The following LIPT1 variants were observed in gnomAD, a reference collection of about 807,000 sequenced individuals.
LIPT1 encodes the protein lipoyltransferase 1.
LIPT1 carries 22 observed loss-of-function variants against 25.1 expected under a neutral mutation model. The ratio of observed to expected loss-of-function variants is 0.88; its 90% confidence interval spans 0.63 to 1.25. LIPT1 has a LOEUF of 1.25. Among genes scored for constraint, LIPT1 ranks in the 50% most tolerant of loss-of-function variants. The pLI, the probability that LIPT1 is intolerant of heterozygous loss-of-function variation, is 0.00. For missense variants in LIPT1, 399 were observed against 432.8 expected (o/e 0.92, Z 0.69); for synonymous variants, 131 against 150.8 (o/e 0.87, Z 0.96).
Position 99,163,013 on chromosome 2 carries a change from T to A in LIPT1, c.1056T>A (p.Cys352Ter), listed in dbSNP as rs1256798779. ...TMLTNILLRT[C>*]PQDHKLNSKW... is the part of the protein sequence containing the mutation. ...TAACAAATATATTACTTAGAACATG[T>A]CCACAAGACCACAAACTAAACAGTA... The change falls in exon 2 of 2, where the codon TGT (cysteine) becomes TGA (stop). Residue 352 changes from cysteine (C) to a stop codon, truncating the protein, a stop_gained. Coordinates refer to ENST00000651691, the MANE Select transcript of LIPT1 (RefSeq NM_145199.3). LOFTEE classifies it high-confidence loss of function. The A allele has an allele frequency of 2.5e-6, 4 of 1,605,054 alleles. No individual in the cohort carries two copies. The highest frequency in any genetic ancestry group is 2.5e-6 in the Non-Finnish European group (3 of 1,176,574).
chr2:99,161,336 A>G (rs1187498160), intron 1 of LIPT1: 2 of 115,988 alleles, frequency 1.7e-5, no homozygotes, highest in African/African-American at 6.9e-5. Flanking sequence ...ATATATATAT[A>G]TAGATTGAAT....
At chr2:99,159,454 C>T (rs1181426601) in intron 1 of LIPT1, among the ~76,000 whole-genome samples, 1 of 152,192 alleles carries the variant, frequency 6.6e-6, no homozygotes, top group Non-Finnish European at 1.5e-5. Flanking sequence ...CTAGCATGGA[C>T]AACTGCCTTA....
At position 99,162,189 on chromosome 2, in the gene LIPT1, C is replaced by T; in HGVS notation, c.232C>T (p.Gln78Ter). 6.2e-7 allele frequency: 1 copy of T among 1,613,968 alleles called. No homozygotes were observed. Among genetic ancestry groups the T allele is most frequent in the Non-Finnish European group, 8.5e-7 (1 of 1,180,002 alleles). Residue 78 changes from glutamine to a stop codon, truncating the protein, a stop_gained, in exon 2 of 2, where the codon CAA (glutamine) becomes TAA (stop). Coordinates refer to ENST00000651691, the MANE Select transcript of LIPT1 (RefSeq NM_145199.3). LOFTEE classifies it high-confidence loss of function. The stretch of plus-strand genomic sequence containing the variant: ...TCCCTCTGTTGTAATTGGTAGGCAT[C>T]AAAATCCTTGGCAGGAATGTAACCT... ...NSPSVVIGRH[Q>*]NPWQECNLNL...
At chr2:99,155,424 A>G in intron 1 of LIPT1, 1 of 453,224 alleles carries the variant, frequency 2.2e-6, no homozygotes, top group South Asian at 1.6e-5. Flanking sequence ...GCGAGGTCTT[A>G]TGAAGAAGCT....
intron 1 of LIPT1, 96 bp from the exon 2 acceptor site, chr2:99,161,859 TAA>T: frequency 8.8e-7 from 1 of 1,131,334 alleles, no homozygotes; most frequent in Non-Finnish European, 1.2e-6. Flanking sequence ...CTGGATACTT[TAA>T]GTTTGGATTA....
At chr2:99,161,887 A>G (rs2093795847) in intron 1 of LIPT1, 70 bp from the exon 2 acceptor site, 5 of 1,335,502 alleles carry the variant, frequency 3.7e-6, no homozygotes, top group Non-Finnish European at 5.1e-6. Flanking sequence ...CCGATAATTG[A>G]TAGTTAGAAA....
intron 1 of LIPT1, among the ~76,000 whole-genome samples, chr2:99,158,933 CT>C (rs899157560): frequency 2.0e-5 from 3 of 151,422 alleles, no homozygotes; most frequent in African/African-American, 7.3e-5. Flanking sequence ...ACCTTCTTTT[CT>C]TTTTTTTTCT....
chr2:99,162,774 T>A lies in LIPT1; in HGVS notation c.817T>A (p.Tyr273Asn). ...AKELQTWEWI[Y>N]GKTPKFSINT... ...AGAACTGCAAACTTGGGAGTGGATATATGGCAAAACTCCAAAGTTTAGTAT... is the reference window on the plus strand; with the variant it reads ...AGAACTGCAAACTTGGGAGTGGATAAATGGCAAAACTCCAAAGTTTAGTAT... Residue 273 changes from tyrosine (Y) to asparagine (N), a missense_variant, in exon 2 of 2, where the codon TAT becomes AAT. Tyr to Asn is a moderately radical substitution (Grantham distance 143, BLOSUM62 -2). Transcript: ENST00000651691. The A allele has an allele frequency of 6.2e-7, 1 of 1,614,134 alleles. No homozygotes were observed. Among genetic ancestry groups the A allele is most frequent in the Non-Finnish European group, 8.5e-7 (1 of 1,179,962 alleles).
intron 1 of LIPT1, among the ~76,000 whole-genome samples, chr2:99,160,231 A>AC: frequency 6.6e-6 from 1 of 151,992 alleles, no homozygotes; most frequent in Non-Finnish European, 1.5e-5. Flanking sequence ...ACGTAGGGAG[A>AC]CCCCCATCTC....
chr2:99,156,688 G>T (rs1574801805), intron 1 of LIPT1: 1 of 152,268 alleles, frequency 6.6e-6, no homozygotes, highest in East Asian at 1.9e-4. Flanking sequence ...TACCTTTGTT[G>T]TGTTTTATTC....
chr2:99,159,833 G>A (rs2093774934), intron 1 of LIPT1, among the ~76,000 whole-genome samples: 1 of 152,148 alleles, frequency 6.6e-6, no homozygotes, highest in Non-Finnish European at 1.5e-5. Flanking sequence ...AAGACTAGTA[G>A]TGTAACTCTT....
intron 1 of LIPT1, chr2:99,156,768 A>G (rs2093758709): frequency 6.6e-6 from 1 of 152,248 alleles, no homozygotes; most frequent in Non-Finnish European, 1.5e-5. Context: ...CATTGGCTCA[A>G]TACATGAATT....
chr2:99,158,796 C>T (rs749814484), intron 1 of LIPT1, among the ~76,000 whole-genome samples: 5 of 152,186 alleles, frequency 3.3e-5, no homozygotes, highest in African/African-American at 1.2e-4. Context: ...CATTAGATGG[C>T]GCTCTACTGT....
At chr2:99,161,889 A>G (rs2093795866) in intron 1 of LIPT1, 68 bp from the exon 2 acceptor site, 4 of 1,341,242 alleles carry the variant, frequency 3.0e-6, no homozygotes, top group Non-Finnish European at 4.1e-6. Context: ...GATAATTGAT[A>G]GTTAGAAAAT....
In LIPT1 at chr2:99,162,012, G is replaced by A; in HGVS notation, c.55G>A (p.Val19Ile). 8 of 1,613,424 alleles carry A rather than the reference G, an allele frequency of 5.0e-6. No homozygotes were observed. Among genetic ancestry groups the A allele is most frequent in the Non-Finnish European group, 5.9e-6 (7 of 1,179,620 alleles). Residue 19 changes from valine to isoleucine, a missense_variant, in exon 2 of 2, where the codon GTC (valine) becomes ATC (isoleucine). Coordinates refer to ENST00000651691, the MANE Select transcript of LIPT1 (RefSeq NM_145199.3). The part of the protein sequence containing the change: ...NCFQLLCNCQ[V>I]PAAGFKKTVK... The stretch of plus-strand genomic sequence containing the variant: ...CTTCCAGTTACTTTGTAACTGCCAG[G>A]TCCCAGCAGCTGGCTTTAAAAAAAC...
rs2105197295 is a variant in LIPT1 at position 99,161,521 on chromosome 2, T to G, written c.-1-436T>G. On this transcript the variant is annotated intron_variant, in intron 1 of 1. Transcript: ENST00000651691. ...TCGATGAACATTTGTTACTTGTGAA[T>G]TCAACATAATTTGGCTTTAAGATAT... is the stretch of plus-strand genomic sequence containing the variant. 3 of 152,092 alleles carry G rather than the reference T, an allele frequency of 2.0e-5. 1 individual carries two copies. Among genetic ancestry groups the G allele is most frequent in the Middle Eastern group, 3.4e-3 (1 of 294 alleles). The allele number at this position is 152,092 out of a possible 1,614,324, so 9.4% of individuals were successfully genotyped here.
rs189585743 is a variant in LIPT1 at position 99,159,419 on chromosome 2, A to G, written c.-1-2538A>G. Among the ~76,000 whole-genome samples, 212 of 151,818 alleles carry G rather than the reference A, an allele frequency of 1.4e-3. 1 individual carries two copies. The highest frequency in any genetic ancestry group is 0.013 in the Admixed American group (192 of 15,248). On this transcript the variant is annotated intron_variant, in intron 1 of 1. Coordinates refer to ENST00000651691, the MANE Select transcript of LIPT1 (RefSeq NM_145199.3). Reference sequence around the variant, plus strand: ...CCCCTTCTCTCTCTCTCTCTCTCCTACCGTACTTTAGGCCCTCATTATCTC... The same window carrying G: ...CCCCTTCTCTCTCTCTCTCTCTCCTGCCGTACTTTAGGCCCTCATTATCTC...
intron 1 of LIPT1, chr2:99,155,407 G>A: frequency 2.2e-6 from 1 of 445,126 alleles, no homozygotes; most frequent in Non-Finnish European, 4.5e-6. Context: ...AAAATAATAG[G>A]GTCTTGGCGA....
chr2:99,158,562 A>C (rs2093767795), intron 1 of LIPT1, among the ~76,000 whole-genome samples: 1 of 152,174 alleles, frequency 6.6e-6, no homozygotes, highest in African/African-American at 2.4e-5. Flanking sequence ...CTGGGCAATA[A>C]AGTTCAAGCA....
Sources: allele counts gnomAD v4.1 joint callset (sites outside exome capture counted in the v4.1 genomes callset), GRCh38; gene constraint gnomAD v4.1.1; transcripts MANE v1.5; gene names NCBI Gene and HGNC (gene_info 2026-07-23, HGNC 2026-07-21).